The following LTBP1 variants were observed in gnomAD, a reference collection of about 807,000 sequenced individuals.
LTBP1 encodes latent-transforming growth factor beta-binding protein 1.
Under a neutral mutation model 207.6 loss-of-function variants are expected in LTBP1, and 129 were observed. That is an observed-to-expected ratio of 0.62 (90% CI 0.54 to 0.72). The LOEUF (loss-of-function observed/expected upper bound fraction) is 0.72. LTBP1 is among the 30% of genes least tolerant of loss of function. The probability of loss-of-function intolerance (pLI) is 0.00; values close to 1 mark genes in which losing one functional copy is unlikely to be tolerated. For synonymous variants in LTBP1, 963 were observed against 833.7 expected, an observed-to-expected ratio of 1.16 and a Z score of -2.67; for missense variants, 2,281 against 2,217.2, an observed-to-expected ratio of 1.03 and a Z score of -0.58.
At chr2:33,268,732 G>A (rs1227231481) in intron 15 of LTBP1, among the ~76,000 whole-genome samples, 1 of 152,130 alleles carries the variant, frequency 6.6e-6, no homozygotes, top group Non-Finnish European at 1.5e-5. Context: ...CAATTGTTGT[G>A]GGACAATCTA....
intron 29 of LTBP1, 32 bp downstream of exon 29, chr2:33,363,550 T>G (rs1262510697): frequency 2.5e-6 from 4 of 1,585,202 alleles, no homozygotes; most frequent in African/African-American, 1.3e-5. Flanking sequence ...TATGGTGTAC[T>G]GTGAAAATAT....
In LTBP1 at chr2:33,363,448, C is replaced by T. The variant is rs755392298; in HGVS notation, c.4329C>T (p.Asn1443=). The T allele has an allele frequency of 1.9e-6, 3 of 1,613,854 alleles. No individual in the cohort carries two copies. Among genetic ancestry groups the T allele is most frequent in the Non-Finnish European group, 2.5e-6 (3 of 1,179,806 alleles). The change falls in exon 29 of 34, where the codon AAC becomes AAT. Residue 1443 remains asparagine (N), a synonymous_variant. Transcript: ENST00000404816. ...QEICKNGFCL[N]TRPGYECYCK... ...TCTGCAAAAATGGTTTCTGTTTGAA[C>T]ACTCGGCCTGGGTATGAATGCTACT...
At position 32,998,431 on chromosome 2, in the gene LTBP1, G is replaced by A. The variant is rs567870603; in HGVS notation, c.566-22478G>A. On this transcript the variant is annotated intron_variant, in intron 2 of 33. Transcript: ENST00000404816. ...CTCGGGAGGCTGAGGCAGGAGAATC[G>A]CTTGAACCCAGGAGTCGGAGGTTGC... Among the ~76,000 whole-genome samples, 4 of 137,556 alleles carry A rather than the reference G, an allele frequency of 2.9e-5. No homozygotes were observed. The South Asian group carries it at 9.6e-4, about 33-fold the overall frequency. 90.2% of individuals were successfully genotyped at this position (137,556 alleles called of 152,430 possible).
intron 29 of LTBP1, 79 bp from the exon 30 acceptor site, chr2:33,364,137 C>T: frequency 7.2e-7 from 1 of 1,382,104 alleles, no homozygotes. Context: ...CTAAATATAG[C>T]AATGTGTAAA....
At position 32,971,889 on chromosome 2, in the gene LTBP1, T is replaced by C. The variant is rs115243421; in HGVS notation, c.565+22944T>C. ...AGTAGGAATGGTACAACCTCTTCTT[T>C]ATATGTCTGGTAGAATTTGGCTGTG... On this transcript the variant is annotated intron_variant, in intron 2 of 33. Transcript: ENST00000404816. Among the ~76,000 whole-genome samples, 942 of 152,308 alleles carry C rather than the reference T, an allele frequency of 6.2e-3. 12 individuals carry two copies. The highest frequency in any genetic ancestry group is 0.022 in the African/African-American group (899 of 41,570).
At chr2:33,021,789 G>T (rs999573014) in intron 3 of LTBP1, among the ~76,000 whole-genome samples, 2 of 151,960 alleles carry the variant, frequency 1.3e-5, no homozygotes, top group Admixed American at 6.6e-5. Flanking sequence ...ATGGGAACAA[G>T]GTTTTTTTTT....
rs2087302176 is a variant in LTBP1, at chr2:33,187,171, G to A, written c.1426+91G>A. On this transcript the variant is annotated intron_variant, in intron 6 of 33. Coordinates refer to ENST00000404816, the MANE Select transcript of LTBP1 (RefSeq NM_206943.4). ...AAGGATCTGCGGGTGGCCAGGGCTG[G>A]TATTGAAACAGAAAGGAGTACATGA... 2.8e-6 allele frequency: 3 copies of A among 1,076,798 alleles called. 1 individual carries two copies. Among genetic ancestry groups the A allele is most frequent in the East Asian group, 5.1e-5 (2 of 39,184 alleles). 66.7% of individuals were successfully genotyped at this position (1,076,798 alleles called of 1,614,324 possible). A position where few individuals can be genotyped will look rare whatever the true frequency, so the allele number is the denominator to read the frequency against.
chr2:33,265,580 A>C (rs2093152983), intron 15 of LTBP1, among the ~76,000 whole-genome samples: 1 of 152,184 alleles, frequency 6.6e-6, no homozygotes, highest in African/African-American at 2.4e-5. Context: ...AATATTGCTA[A>C]ATTTAAGATG....
At chr2:33,007,632 G>C (rs1001345401) in intron 2 of LTBP1, among the ~76,000 whole-genome samples, 8 of 152,182 alleles carry the variant, frequency 5.3e-5, no homozygotes, top group African/African-American at 1.9e-4. Flanking sequence ...ATTGAGAAAG[G>C]CTGTTTTAGG....
chr2:33,193,290 C>T (rs1221801319), intron 7 of LTBP1, among the ~76,000 whole-genome samples: 2 of 152,034 alleles, frequency 1.3e-5, no homozygotes, highest in Admixed American at 1.3e-4. Context: ...TACAGGTGTG[C>T]ACCACCACAC....
intron 7 of LTBP1, among the ~76,000 whole-genome samples, chr2:33,189,851 C>T (rs901872843): frequency 7.6e-5 from 10 of 130,946 alleles, no homozygotes; most frequent in African/African-American, 2.9e-4. Flanking sequence ...CATGATGAAA[C>T]CCCGTCTCTA....
chr2:32,991,057 A>G (rs1684328376), intron 2 of LTBP1, among the ~76,000 whole-genome samples: 1 of 152,238 alleles, frequency 6.6e-6, no homozygotes, highest in Non-Finnish European at 1.5e-5. Flanking sequence ...TGGAAAGTGT[A>G]ATGACAACAT....
chr2:32,988,898 G>T (rs1683995438), intron 2 of LTBP1, among the ~76,000 whole-genome samples: 1 of 152,028 alleles, frequency 6.6e-6, no homozygotes, highest in African/African-American at 2.4e-5. Flanking sequence ...TTTGTTTTGG[G>T]TAATATTGCA....
chr2:32,949,695 G>C (rs2148204019), intron 2 of LTBP1, among the ~76,000 whole-genome samples: 1 of 152,308 alleles, frequency 6.6e-6, no homozygotes, highest in East Asian at 1.9e-4. Flanking sequence ...TTCCCCCTCA[G>C]AAAAAGTGAA....
chr2:33,147,746 C>T (rs75394093), intron 5 of LTBP1, among the ~76,000 whole-genome samples: 7,700 of 152,198 alleles, frequency 0.051, 320 homozygotes, highest in African/African-American at 0.11. Flanking sequence ...TATGAAATGC[C>T]GGGAGGGCAG....
intron 22 of LTBP1, 151 bp downstream of exon 22, chr2:33,301,795 A>G (rs2093992854): frequency 6.1e-6 from 4 of 656,880 alleles, no homozygotes; most frequent in Non-Finnish European, 9.6e-6. Context: ...GGTCACACAA[A>G]TAATTCAAAG....
chr2:33,269,647 A>G (rs1224747670), intron 15 of LTBP1, among the ~76,000 whole-genome samples: 2 of 152,216 alleles, frequency 1.3e-5, no homozygotes, highest in Admixed American at 6.5e-5. Flanking sequence ...TAGAGTTTAT[A>G]TTGACACAGT....
Position 33,266,417 on chromosome 2 carries a change from G to A in LTBP1, c.2617+3025G>A, listed in dbSNP as rs954480183. Among the ~76,000 whole-genome samples the A allele has an allele frequency of 3.9e-5, 6 of 152,186 alleles. No homozygotes were observed. In the South Asian group the frequency reaches 6.2e-4, roughly 16 times the overall value. On this transcript the variant is annotated intron_variant, in intron 15 of 33. Coordinates refer to ENST00000404816, the MANE Select transcript of LTBP1 (RefSeq NM_206943.4). ...GGCAGACAGGTTCCTGGGTGGAAAG[G>A]GGTGAGTCCTCAGTGAAACCCCACC...
At chr2:33,017,348 G>C (rs1480272329) in intron 2 of LTBP1, among the ~76,000 whole-genome samples, 1 of 152,210 alleles carries the variant, frequency 6.6e-6, no homozygotes, top group Admixed American at 6.5e-5. Context: ...CAGATGTTGT[G>C]TGTCAGTGAT....
Sources: gnomAD v4.1 joint callset for allele counts (sites outside exome capture counted in the v4.1 genomes callset) on GRCh38, gnomAD v4.1.1 for gene constraint, MANE v1.5 for transcripts, NCBI Gene and HGNC (gene_info 2026-07-23, HGNC 2026-07-21) for gene names.